The following ZNF362 variants were observed in gnomAD, a reference collection of about 807,000 sequenced individuals.
ZNF362 encodes rotund homolog.
A neutral mutation model predicts 42.9 loss-of-function variants in ZNF362; 11 were observed. The observed-to-expected ratio is 0.26, with a 90% CI of 0.16 to 0.42. The LOEUF (loss-of-function observed/expected upper bound fraction) is 0.42, where lower values mean the gene tolerates loss of function less well. Among genes scored for constraint, ZNF362 ranks in the 20% least tolerant of loss-of-function variants. ZNF362 has a pLI of 1.00. For synonymous variants in ZNF362, 255 were observed against 257.3 expected, an observed-to-expected ratio of 0.99 and a Z score of 0.09; for missense variants, 362 against 576.2, an observed-to-expected ratio of 0.63 and a Z score of 3.81.
the ZNF362 span, among the ~76,000 whole-genome samples, chr1:33,198,786 C>A: frequency 6.6e-6 from 1 of 151,984 alleles, no homozygotes; most frequent in African/African-American, 2.4e-5. Context: ...TCCATATGTT[C>A]AAAAAGCCAG....
the ZNF362 span, among the ~76,000 whole-genome samples, chr1:33,205,625 C>T: frequency 6.6e-6 from 1 of 151,720 alleles, no homozygotes; most frequent in Non-Finnish European, 1.5e-5. Context: ...TCAAGATAGA[C>T]AAACAGGGCC....
chr1:33,202,953 T>C, the ZNF362 span, among the ~76,000 whole-genome samples: 1 of 152,160 alleles, frequency 6.6e-6, no homozygotes, highest in South Asian at 2.1e-4. Flanking sequence ...AATTAACATA[T>C]CCATCATCTC....
At chr1:33,223,444 C>CG in the ZNF362 span, among the ~76,000 whole-genome samples, 1 of 152,200 alleles carries the variant, frequency 6.6e-6, no homozygotes, top group East Asian at 1.9e-4. Context: ...TCTTTATCAG[C>CG]GGCATGAAAA....
the ZNF362 span, among the ~76,000 whole-genome samples, chr1:33,238,726 T>TG: frequency 6.6e-6 from 1 of 151,766 alleles, no homozygotes; most frequent in Non-Finnish European, 1.5e-5. Flanking sequence ...GTCATAAGGG[T>TG]GGGGTCCTAA....
chr1:33,239,255 T>C, the ZNF362 span, among the ~76,000 whole-genome samples: 1 of 152,058 alleles, frequency 6.6e-6, no homozygotes, highest in African/African-American at 2.4e-5. Flanking sequence ...ATTTGCTGTC[T>C]CCTGTTCCAA....
the ZNF362 span, among the ~76,000 whole-genome samples, chr1:33,225,808 A>G: frequency 2.0e-5 from 3 of 152,154 alleles, no homozygotes; most frequent in Admixed American, 2.0e-4. Context: ...ATTTTATCTC[A>G]CTCAGCAAGC....
At chr1:33,296,349 G>A (rs1244854378) in intron 8 of ZNF362, among the ~76,000 whole-genome samples, 6 of 152,080 alleles carry the variant, frequency 3.9e-5, no homozygotes, top group South Asian at 4.1e-4. Context: ...GGGCCATGCC[G>A]TCCTGCATTC....
chr1:33,200,279 T>C, the ZNF362 span: 1 of 152,078 alleles, frequency 6.6e-6, no homozygotes. Flanking sequence ...TACAATGAGC[T>C]ATGATTGTGC....
the ZNF362 span, among the ~76,000 whole-genome samples, chr1:33,174,966 TATACAC>T: frequency 1.0e-5 from 1 of 95,330 alleles, no homozygotes. Flanking sequence ...TATATATATA[TATACAC>T]ACATATACAT....
intron 4 of ZNF362, among the ~76,000 whole-genome samples, chr1:33,278,738 C>A (rs1645969081): frequency 6.6e-6 from 1 of 152,160 alleles, no homozygotes; most frequent in African/African-American, 2.4e-5. Flanking sequence ...CCTCGTATGT[C>A]TGTGATTTGC....
chr1:33,145,930 A>C, the ZNF362 span: 1 of 470,934 alleles, frequency 2.1e-6, no homozygotes. Context: ...CCCCAAACAG[A>C]ATCTCTTGTA....
At chr1:33,197,924 A>G in the ZNF362 span, among the ~76,000 whole-genome samples, 1 of 152,304 alleles carries the variant, frequency 6.6e-6, no homozygotes, top group South Asian at 2.1e-4. Context: ...GAAAAATCTC[A>G]TAACTCTTGA....
the ZNF362 span, among the ~76,000 whole-genome samples, chr1:33,168,456 G>A: frequency 6.6e-6 from 1 of 152,120 alleles, no homozygotes; most frequent in Non-Finnish European, 1.5e-5. Flanking sequence ...TGGATTTCAA[G>A]CCATCAGTGT....
chr1:33,297,596 C>T (rs552100766), intron 8 of ZNF362, among the ~76,000 whole-genome samples: 1 of 145,678 alleles, frequency 6.9e-6, no homozygotes, highest in East Asian at 2.1e-4. Flanking sequence ...ACTGCAACAT[C>T]CGCCTCCCAG....
chr1:33,137,600 C>T, the ZNF362 span, among the ~76,000 whole-genome samples: 1 of 152,140 alleles, frequency 6.6e-6, no homozygotes, highest in East Asian at 1.9e-4. Context: ...CTGAGATCCC[C>T]AGAGGGGGGA....
chr1:33,209,279 C>T, the ZNF362 span, among the ~76,000 whole-genome samples: 5 of 152,240 alleles, frequency 3.3e-5, no homozygotes, highest in East Asian at 3.9e-4. Flanking sequence ...CTGACTTGAT[C>T]GTGGTGGATA....
At chr1:33,289,449 G>C (rs1646060005) in intron 6 of ZNF362, among the ~76,000 whole-genome samples, 1 of 152,112 alleles carries the variant, frequency 6.6e-6, no homozygotes, top group South Asian at 2.1e-4. Context: ...GGCGGAGAGA[G>C]GCTGAGGCTG....
At chr1:33,168,973 G>T in the ZNF362 span, among the ~76,000 whole-genome samples, 3 of 151,818 alleles carry the variant, frequency 2.0e-5, no homozygotes, top group African/African-American at 7.3e-5. Context: ...CCCTGATTTT[G>T]CAGTCAGGGA....
the ZNF362 span, among the ~76,000 whole-genome samples, chr1:33,247,666 A>C: frequency 6.6e-6 from 1 of 152,190 alleles, no homozygotes; most frequent in African/African-American, 2.4e-5. Context: ...TCATTATGGC[A>C]CTTCTGCCCT....
Sources: gnomAD v4.1 joint callset for allele counts (sites outside exome capture counted in the v4.1 genomes callset) on GRCh38, gnomAD v4.1.1 for gene constraint, MANE v1.5 for transcripts, NCBI Gene and HGNC (gene_info 2026-07-23, HGNC 2026-07-21) for gene names.